Variants in DAB1 observed in about 807,000 individuals in gnomAD.
The protein encoded by DAB1 is DAB adaptor protein 1, also known as disabled homolog 1.
DAB1 carries 15 observed loss-of-function variants against 64.6 expected under a neutral mutation model. That is an observed-to-expected ratio of 0.23 (90% CI 0.16 to 0.36). DAB1 has a LOEUF of 0.36. DAB1 is among the 10% of genes least tolerant of loss of function. The pLI is 1.00. For synonymous variants in DAB1, 235 were observed against 251.9 expected (o/e 0.93, Z 0.64); for missense variants, 596 against 706.7 (o/e 0.84, Z 1.78).
intron 6 of DAB1, among the ~76,000 whole-genome samples, chr1:57,665,992 T>A (rs1311295293): frequency 1.3e-5 from 2 of 152,062 alleles, no homozygotes; most frequent in African/African-American, 4.8e-5. Flanking sequence ...TTTTTGATAT[T>A]CTTCTGCCCT....
At chr1:58,434,439 T>G (rs951907931) in intron 3 of DAB1, among the ~76,000 whole-genome samples, 1 of 150,292 alleles carries the variant, frequency 6.7e-6, no homozygotes, top group African/African-American at 2.4e-5. Context: ...TGATTTCATG[T>G]CAGAACAGCA....
chr1:57,852,627 A>G (rs1007093378), intron 1 of DAB1, among the ~76,000 whole-genome samples: 2 of 151,958 alleles, frequency 1.3e-5, no homozygotes, highest in South Asian at 2.1e-4. Context: ...GAATAATGTG[A>G]CACACATTGA....
At chr1:57,716,098 T>TG (rs1647080785) in intron 6 of DAB1, among the ~76,000 whole-genome samples, 1 of 152,090 alleles carries the variant, frequency 6.6e-6, no homozygotes, top group African/African-American at 2.4e-5. Flanking sequence ...TTAGTAGAGA[T>TG]GGGGTTTCAC....
At chr1:58,087,681 TC>T (rs1241762254) in intron 5 of DAB1, among the ~76,000 whole-genome samples, 1 of 152,144 alleles carries the variant, frequency 6.6e-6, no homozygotes, top group Non-Finnish European at 1.5e-5. Context: ...AAGTTTGCTC[TC>T]TTAGGAAGCA....
At chr1:57,033,393 G>A (rs1378386677) in intron 9 of DAB1, 3 of 1,612,762 alleles carry the variant, frequency 1.9e-6, no homozygotes, top group Middle Eastern at 1.6e-4. Context: ...TACCTTCGTT[G>A]CCTCAAAAAT....
At chr1:57,201,134 G>A (rs935615950) in intron 2 of DAB1, among the ~76,000 whole-genome samples, 3 of 152,162 alleles carry the variant, frequency 2.0e-5, no homozygotes, top group Non-Finnish European at 4.4e-5. Flanking sequence ...AGCCATTGCT[G>A]CTTCTGCAAA....
chr1:57,787,707 A>G (rs935838450), intron 6 of DAB1, among the ~76,000 whole-genome samples: 2 of 152,148 alleles, frequency 1.3e-5, no homozygotes, highest in African/African-American at 4.8e-5. Context: ...TTCAAAAGAA[A>G]CTATTAAGAA....
intron 4 of DAB1, among the ~76,000 whole-genome samples, chr1:58,155,214 T>C (rs1184659851): frequency 1.3e-5 from 2 of 152,160 alleles, no homozygotes; most frequent in South Asian, 2.1e-4. Context: ...GGGAAGGAAT[T>C]GCAGCTGCCA....
At chr1:58,514,738 A>G (rs1341797859) in intron 2 of DAB1, among the ~76,000 whole-genome samples, 7 of 152,188 alleles carry the variant, frequency 4.6e-5, no homozygotes, top group Non-Finnish European at 8.8e-5. Context: ...ATGTAAAGGG[A>G]CCAAAACAGA....
chr1:57,452,694 A>G (rs1409543882), intron 7 of DAB1, among the ~76,000 whole-genome samples: 1 of 152,082 alleles, frequency 6.6e-6, no homozygotes, highest in East Asian at 1.9e-4. Flanking sequence ...CTCCACTAGT[A>G]CATTTGGAAC....
chr1:58,266,589 C>T (rs1319702911), intron 4 of DAB1, among the ~76,000 whole-genome samples: 3 of 152,102 alleles, frequency 2.0e-5, no homozygotes, highest in Non-Finnish European at 4.4e-5. Context: ...CATTTTTAAA[C>T]GTTTACATGT....
chr1:57,221,734 G>A (rs1429329383), intron 2 of DAB1, among the ~76,000 whole-genome samples: 1 of 152,010 alleles, frequency 6.6e-6, no homozygotes, highest in Non-Finnish European at 1.5e-5. Context: ...GACATTTGTG[G>A]TTCATTTTCT....
chr1:57,163,962 A>C (rs1432139460), intron 2 of DAB1, among the ~76,000 whole-genome samples: 1 of 152,006 alleles, frequency 6.6e-6, no homozygotes, highest in Non-Finnish European at 1.5e-5. Context: ...AGAGAGAGCA[A>C]TTTCCAAATG....
intron 6 of DAB1, among the ~76,000 whole-genome samples, chr1:57,759,095 C>CAGATAGCCTGTGTCTTAAGATGTTA (rs752295158): frequency 6.6e-6 from 1 of 152,122 alleles, no homozygotes; most frequent in Non-Finnish European, 1.5e-5. Context: ...CTGTCTTAAG[C>CAGATAGCCTGTGTCTTAAGATGTTA]TGTTAAAAGA....
At chr1:57,866,842 G>A (rs577255184) in intron 1 of DAB1, among the ~76,000 whole-genome samples, 2 of 152,248 alleles carry the variant, frequency 1.3e-5, no homozygotes, top group Admixed American at 6.5e-5. Context: ...TAAAGTCATC[G>A]TATTTATGAA....
At chr1:58,410,003 C>A (rs1341193728) in intron 3 of DAB1, among the ~76,000 whole-genome samples, 1 of 152,184 alleles carries the variant, frequency 6.6e-6, no homozygotes, top group Non-Finnish European at 1.5e-5. Flanking sequence ...CCACACACCA[C>A]CTCCATCCCC....
At chr1:57,151,492 C>T (rs1214164400) in intron 2 of DAB1, among the ~76,000 whole-genome samples, 1 of 151,884 alleles carries the variant, frequency 6.6e-6, no homozygotes, top group African/African-American at 2.4e-5. Context: ...TTCCTAAATC[C>T]CTTCCAGTGA....
intron 6 of DAB1, among the ~76,000 whole-genome samples, chr1:57,782,526 C>T (rs575699911): frequency 1.8e-4 from 28 of 152,286 alleles, no homozygotes; most frequent in Admixed American, 1.3e-3. Flanking sequence ...ATTATGTTAT[C>T]ATCTATGCCA....
At chr1:58,513,862 A>G (rs1036077875) in intron 2 of DAB1, among the ~76,000 whole-genome samples, 1 of 152,212 alleles carries the variant, frequency 6.6e-6, no homozygotes, top group East Asian at 1.9e-4. Context: ...CATGGTGACT[A>G]CATAACTTGA....
Sources: gnomAD v4.1 joint callset for allele counts (sites outside exome capture counted in the v4.1 genomes callset) on GRCh38, gnomAD v4.1.1 for gene constraint, MANE v1.5 for transcripts, NCBI Gene and HGNC (gene_info 2026-07-23, HGNC 2026-07-21) for gene names.